ATXN2: variants seen among roughly 807,000 people sequenced by gnomAD.
The protein encoded by ATXN2 is ataxin 2.
Under a neutral mutation model 138.6 loss-of-function variants are expected in ATXN2, and 37 were observed. The observed-to-expected ratio is 0.27, with a 90% confidence interval of 0.21 to 0.35. The LOEUF (loss-of-function observed/expected upper bound fraction) is 0.35. Among genes scored for constraint, ATXN2 ranks in the 10% least tolerant of loss-of-function variants. ATXN2 has a pLI of 1.00. For missense variants in ATXN2, 1,216 were observed against 1,480.3 expected (o/e 0.82, Z 2.93); for synonymous variants, 549 against 543.7 (o/e 1.01, Z -0.13).
At chr12:111,507,120 C>T (rs1879182413) in intron 14 of ATXN2, among the ~76,000 whole-genome samples, 2 of 151,928 alleles carry the variant, frequency 1.3e-5, no homozygotes, top group Admixed American at 1.3e-4. Context: ...TCTGCCTGGC[C>T]ACCCATCGTC....
chr12:111,559,328 T>C (rs1228245567), intron 1 of ATXN2, among the ~76,000 whole-genome samples: 1 of 151,440 alleles, frequency 6.6e-6, no homozygotes, highest in Non-Finnish European at 1.5e-5. Context: ...CTTGATCTCT[T>C]AACCTTGTGA....
chr12:111,588,991 C>CAAAAAA lies in ATXN2; in HGVS notation c.251+9787_251+9792dup, dbSNP rs58116265. 8.8e-3 allele frequency among the ~76,000 whole-genome samples: 339 copies of CAAAAAA among 38,704 alleles called. 53 individuals carry two copies. Among genetic ancestry groups the CAAAAAA allele is most frequent in the Non-Finnish European group, 0.011 (197 of 18,020 alleles). 25.4% of individuals were successfully genotyped at this position (38,704 alleles called of 152,430 possible). A position where few individuals can be genotyped will look rare whatever the true frequency, so the allele number is the denominator to read the frequency against. ...GCCTGGGCGACAGAGCGAGATTTCTCAAAAAAAAAAAAAAAAAAAAAAAAA... is the reference window on the plus strand; with the variant it reads ...GCCTGGGCGACAGAGCGAGATTTCTCAAAAAAAAAAAAAAAAAAAAAAAAAAAAAAA... On this transcript the variant is annotated intron_variant, in intron 1 of 24. Coordinates refer to ENST00000673436, the MANE Select transcript of ATXN2 (RefSeq NM_001372574.1).
At chr12:111,575,050 G>A (rs1271672337) in intron 1 of ATXN2, among the ~76,000 whole-genome samples, 13 of 152,074 alleles carry the variant, frequency 8.5e-5, no homozygotes, top group East Asian at 1.9e-4. Context: ...ATAAACTCAC[G>A]GTAGCGTCCG....
intron 21 of ATXN2, among the ~76,000 whole-genome samples, chr12:111,463,811 G>A (rs1460884972): frequency 6.6e-6 from 1 of 152,086 alleles, no homozygotes; most frequent in Non-Finnish European, 1.5e-5. Context: ...TTTTGAGACA[G>A]AATTTCGCTC....
chr12:111,563,987 G>T (rs367703028), intron 1 of ATXN2, among the ~76,000 whole-genome samples: 1 of 152,226 alleles, frequency 6.6e-6, no homozygotes, highest in African/African-American at 2.4e-5. Flanking sequence ...ATGCTTCTGT[G>T]AAAATCAGAA....
intron 1 of ATXN2, among the ~76,000 whole-genome samples, chr12:111,590,423 T>C (rs959747806): frequency 1.3e-5 from 2 of 152,018 alleles, no homozygotes; most frequent in East Asian, 3.9e-4. Flanking sequence ...ACGCAGCAGC[T>C]CACGCCTGTA....
At chr12:111,460,212 G>C (rs1203973341) in intron 21 of ATXN2, among the ~76,000 whole-genome samples, 1 of 151,950 alleles carries the variant, frequency 6.6e-6, no homozygotes, top group Non-Finnish European at 1.5e-5. Context: ...CTCCTGAGTA[G>C]CTAGGACTAC....
intron 14 of ATXN2, among the ~76,000 whole-genome samples, chr12:111,503,750 C>T (rs1269715026): frequency 6.6e-6 from 1 of 151,748 alleles, no homozygotes. Flanking sequence ...CCACCATGCC[C>T]GGCTAATTTA....
intron 22 of ATXN2, 23 bp downstream of exon 22, chr12:111,457,191 G>A (rs1409757143): frequency 1.2e-6 from 2 of 1,602,534 alleles, no homozygotes; most frequent in Admixed American, 1.8e-5. Context: ...GCCACTCCAT[G>A]CAGACCTCTG....
Position 111,520,929 on chromosome 12 carries a change from T to G in ATXN2, c.741A>C (p.Glu247Asp), listed in dbSNP as rs1455240242. ...DPNDMFRYNE[E>D]NYGVVSTYDS... ...CATACGTAGACACTACACCATAATT[T>G]TCTTCATTATATCGAAACATATCAT... is the stretch of plus-strand genomic sequence containing the variant. The change falls in exon 7 of 25, where the codon GAA (glutamate) becomes GAC (aspartate). Residue 247 changes from glutamate to aspartate, a missense_variant. By Grantham distance (45) the Glu-to-Asp change is conservative (BLOSUM62 2). This residue lies in a region of ATXN2 where 401 missense variants were observed against 528.1 expected (regional missense o/e 0.76). Coordinates refer to ENST00000673436, the MANE Select transcript of ATXN2 (RefSeq NM_001372574.1). 1 of 1,599,912 alleles carries G rather than the reference T, an allele frequency of 6.3e-7. No individual in the cohort carries two copies. The highest frequency in any genetic ancestry group is 1.1e-5 in the South Asian group (1 of 89,052).
Position 111,488,789 on chromosome 12 carries a change from AG to A in ATXN2, c.1936-10del, listed in dbSNP as rs1447394908. On this transcript the variant is annotated splice_polypyrimidine_tract_variant and intron_variant, in intron 14 of 24. Transcript: ENST00000673436. ...GTAGAACTTGGCTGTAACTAAATAA[AG>A]GAAACAATTATACTTAAATATCTTA... The A allele has an allele frequency of 6.3e-7, 1 of 1,582,788 alleles. No homozygotes were observed. Among genetic ancestry groups the A allele is most frequent in the Admixed American group, 1.7e-5 (1 of 57,220 alleles).
intron 1 of ATXN2, among the ~76,000 whole-genome samples, chr12:111,591,804 G>A (rs1465901076): frequency 1.3e-5 from 2 of 152,132 alleles, no homozygotes; most frequent in Non-Finnish European, 2.9e-5. Flanking sequence ...AGGGTAGGCT[G>A]CGCACGGTGG....
chr12:111,565,372 C>T (rs1286134282), intron 1 of ATXN2, among the ~76,000 whole-genome samples: 1 of 152,112 alleles, frequency 6.6e-6, no homozygotes, highest in Non-Finnish European at 1.5e-5. Context: ...TCATAAATCT[C>T]ACAATATTTT....
chr12:111,594,689 T>C (rs1194556334), intron 1 of ATXN2, among the ~76,000 whole-genome samples: 1 of 152,120 alleles, frequency 6.6e-6, no homozygotes, highest in Admixed American at 6.6e-5. Context: ...GAAGGGAATG[T>C]AGAAGAAGAA....
intron 14 of ATXN2, among the ~76,000 whole-genome samples, chr12:111,504,221 G>C (rs1040608777): frequency 1.3e-5 from 2 of 152,210 alleles, no homozygotes; most frequent in Non-Finnish European, 2.9e-5. Flanking sequence ...ACAATTCAGA[G>C]TCCAGTAATA....
chr12:111,592,058 G>GGC (rs1409933451), intron 1 of ATXN2, among the ~76,000 whole-genome samples: 1 of 149,904 alleles, frequency 6.7e-6, no homozygotes, highest in African/African-American at 2.5e-5. Context: ...CTCCAGCCTG[G>GGC]GAAAGAGCAA....
chr12:111,498,971 G>A (rs1178521446), intron 14 of ATXN2, among the ~76,000 whole-genome samples: 4 of 152,068 alleles, frequency 2.6e-5, no homozygotes, highest in Non-Finnish European at 5.9e-5. Context: ...TCAATAAATG[G>A]TGCTGGGAAA....
At chr12:111,455,778 CAG>C in intron 23 of ATXN2, 1 of 568,602 alleles carries the variant, frequency 1.8e-6, no homozygotes, top group East Asian at 3.1e-5. Context: ...GGTTGCATTC[CAG>C]AGTCAAAGAT....
At chr12:111,478,700 T>C (rs1384419270) in intron 18 of ATXN2, among the ~76,000 whole-genome samples, 3 of 152,160 alleles carry the variant, frequency 2.0e-5, no homozygotes, top group Non-Finnish European at 4.4e-5. Context: ...GCTAGTTTCT[T>C]ATTAATTGAA....
Sources: gnomAD v4.1 joint callset for allele counts (sites outside exome capture counted in the v4.1 genomes callset) on GRCh38, gnomAD v4.1.1 for gene constraint, gnomAD v4.1.1 regional missense constraint, MANE v1.5 for transcripts, NCBI Gene and HGNC (gene_info 2026-07-23, HGNC 2026-07-21) for gene names.